The following CDH23 variants were observed in gnomAD, a reference collection of about 807,000 sequenced individuals.
CDH23 encodes the protein cadherin-23.
Under a neutral mutation model 317.1 loss-of-function variants are expected in CDH23, and 189 were observed. The ratio of observed to expected loss-of-function variants is 0.60; its 90% CI spans 0.53 to 0.67. The LOEUF (loss-of-function observed/expected upper bound fraction) is 0.67. CDH23 is among the 30% of genes least tolerant of loss of function. The pLI, the probability that CDH23 is intolerant of heterozygous loss-of-function variation, is 0.00. For synonymous variants in CDH23, 1,839 were observed against 1,876.8 expected (o/e 0.98, Z 0.52); for missense variants, 4,401 against 4,592.4 (o/e 0.96, Z 1.20).
chr10:71,478,597 C>A (rs993164256), intron 3 of CDH23, among the ~76,000 whole-genome samples: 1 of 152,212 alleles, frequency 6.6e-6, no homozygotes, highest in Non-Finnish European at 1.5e-5. Flanking sequence ...TCTCCAGGAT[C>A]TGGTGCTGGT....
In CDH23 at chr10:71,682,466, T is replaced by C; in HGVS notation, c.1880T>C (p.Leu627Pro). The part of the protein sequence containing the change: ...GYGVISVSRP[L>P]DYEQISNGLI... Reference sequence around the variant, plus strand: ...GCAGTGATCAGCGTCAGTCGCCCCCTGGATTATGAACAGATATCCAATGGG... The same window carrying C: ...GCAGTGATCAGCGTCAGTCGCCCCCCGGATTATGAACAGATATCCAATGGG... Residue 627 changes from leucine (L) to proline (P), a missense_variant, in exon 18 of 70, where the codon CTG (leucine) becomes CCG (proline). Coordinates refer to ENST00000224721, the MANE Select transcript of CDH23 (RefSeq NM_022124.6). The C allele has an allele frequency of 6.2e-7, 1 of 1,612,408 alleles. No individual in the cohort carries two copies. Among genetic ancestry groups the C allele is most frequent in the South Asian group, 1.1e-5 (1 of 90,528 alleles).
At chr10:71,518,243 C>T (rs531654904) in intron 6 of CDH23, among the ~76,000 whole-genome samples, 1 of 152,284 alleles carries the variant, frequency 6.6e-6, no homozygotes, top group East Asian at 1.9e-4. Context: ...CTCCAAGTTC[C>T]CCAGAGTCAG....
At chr10:71,596,273 C>T (rs1368677193) in intron 9 of CDH23, among the ~76,000 whole-genome samples, 1 of 152,144 alleles carries the variant, frequency 6.6e-6, no homozygotes, top group Non-Finnish European at 1.5e-5. Flanking sequence ...TTACAACAAG[C>T]ACTATCAATA....
chr10:71,759,931 A>G (rs1222079960), intron 38 of CDH23, among the ~76,000 whole-genome samples: 55 of 69,724 alleles, frequency 7.9e-4, no homozygotes, highest in Non-Finnish European at 8.9e-4. Context: ...ACACACACAC[A>G]TATATACACA....
intron 22 of CDH23, among the ~76,000 whole-genome samples, chr10:71,698,966 A>G (rs1015116205): frequency 6.6e-6 from 1 of 152,196 alleles, no homozygotes; most frequent in Admixed American, 6.5e-5. Context: ...CATCTAAAAA[A>G]TAGGGCTAGT....
At chr10:71,591,604 A>T (rs886443911) in intron 9 of CDH23, among the ~76,000 whole-genome samples, 1 of 152,172 alleles carries the variant, frequency 6.6e-6, no homozygotes, top group Non-Finnish European at 1.5e-5. Flanking sequence ...GATGATGTTT[A>T]AAAAAATTAA....
rs374092835 is a variant in CDH23, at chr10:71,530,018, C to T, written c.429+18806C>T. On this transcript the variant is annotated intron_variant, in intron 6 of 69. Coordinates refer to ENST00000224721, the MANE Select transcript of CDH23 (RefSeq NM_022124.6). The stretch of plus-strand genomic sequence containing the variant: ...CTGGATGGAGACTCAGGCATTTGCA[C>T]ACATACACACATACAGACACACACA... Among the ~76,000 whole-genome samples the T allele has an allele frequency of 1.5e-3, 205 of 138,226 alleles. 6 individuals are homozygous for T. In the South Asian group the frequency reaches 0.044, roughly 29 times the overall value. 90.7% of individuals were successfully genotyped at this position (138,226 alleles called of 152,430 possible). A position where few individuals can be genotyped will look rare whatever the true frequency, so the allele number is the denominator to read the frequency against.
intron 42 of CDH23, 29 bp from the exon 43 acceptor site, chr10:71,784,862 C>T (rs771644826): frequency 6.3e-7 from 1 of 1,591,102 alleles, no homozygotes; most frequent in Non-Finnish European, 8.6e-7. Context: ...CTCTTCCTCC[C>T]CTCCCTCCTC....
At chr10:71,511,022 T>C (rs758060696) in intron 5 of CDH23, 21 bp downstream of exon 5, 9 of 1,613,192 alleles carry the variant, frequency 5.6e-6, no homozygotes, top group Non-Finnish European at 8.5e-7. Context: ...CCTGGGGCCC[T>C]GGAGGCATGT....
In CDH23 at chr10:71,759,914, C is replaced by CATATACACACACACAT. The variant is rs1564779319; in HGVS notation, c.4846-17761_4846-17760insCACACACACATATATA. ...ACACACACACATATATACACACACA[C>CATATACACACACACAT]ATATATACACACACACATATATACA... is the stretch of plus-strand genomic sequence containing the variant. On this transcript the variant is annotated intron_variant, in intron 38 of 69. Coordinates refer to ENST00000224721, the MANE Select transcript of CDH23 (RefSeq NM_022124.6). Among the ~76,000 whole-genome samples the CATATACACACACACAT allele has an allele frequency of 4.9e-3, 278 of 56,830 alleles. 26 individuals are homozygous for CATATACACACACACAT. The highest frequency in any genetic ancestry group is 7.4e-3 in the Non-Finnish European group (164 of 22,030). 37.3% of individuals were successfully genotyped at this position (56,830 alleles called of 152,430 possible). A position where few individuals can be genotyped will look rare whatever the true frequency, so the allele number is the denominator to read the frequency against.
intron 65 of CDH23, 85 bp downstream of exon 65, chr10:71,811,838 C>T: frequency 1.3e-6 from 2 of 1,578,306 alleles, no homozygotes; most frequent in Non-Finnish European, 1.7e-6. Context: ...AAGCCTGGCT[C>T]AGGCCCTTCA....
At chr10:71,603,780 T>C (rs1448676474) in intron 9 of CDH23, among the ~76,000 whole-genome samples, 3 of 152,382 alleles carry the variant, frequency 2.0e-5, no homozygotes, top group Non-Finnish European at 1.5e-5. Context: ...AATCCCAGCA[T>C]GGTCACTTAG....
intron 28 of CDH23, among the ~76,000 whole-genome samples, chr10:71,721,912 ACT>A (rs1204703228): frequency 6.6e-6 from 1 of 152,122 alleles, no homozygotes; most frequent in Admixed American, 6.5e-5. Flanking sequence ...TTCAGCTAAC[ACT>A]GTTTCCCAGC....
At chr10:71,535,497 A>G (rs1294060141) in intron 6 of CDH23, among the ~76,000 whole-genome samples, 1 of 152,168 alleles carries the variant, frequency 6.6e-6, no homozygotes, top group Non-Finnish European at 1.5e-5. Flanking sequence ...ATCCTGGAAA[A>G]CGCCAAGGAA....
At chr10:71,563,772 G>A (rs1320705005) in intron 6 of CDH23, among the ~76,000 whole-genome samples, 7 of 142,172 alleles carry the variant, frequency 4.9e-5, no homozygotes, top group African/African-American at 1.3e-4. Context: ...TTTTTGAGAC[G>A]GAGTCTTGCT....
Position 71,577,991 on chromosome 10 carries a change from A to G in CDH23, c.831A>G (p.Ser277=), listed in dbSNP as rs777419729. 6.3e-7 allele frequency: 1 copy of G among 1,595,188 alleles called. No homozygotes were observed. Among genetic ancestry groups the G allele is most frequent in the Non-Finnish European group, 8.5e-7 (1 of 1,171,048 alleles). ...RPRGIGYTIV[S]GNTNSIFALD... is the part of the protein sequence containing the mutation. ...GGGGCATTGGCTACACCATCGTTTC[A>G]GGTAAGACAGAAGGCTGCCCCTCTC... The change falls in exon 9 of 70, where the codon TCA becomes TCG. Residue 277 remains serine, a splice_region_variant and synonymous_variant. Transcript: ENST00000224721.
intron 6 of CDH23, among the ~76,000 whole-genome samples, chr10:71,564,830 T>G (rs1285579172): frequency 2.0e-5 from 3 of 152,220 alleles, no homozygotes; most frequent in African/African-American, 7.2e-5. Context: ...GTGCTTTTCT[T>G]TGTTGGAAGA....
At chr10:71,675,029 G>A (rs182632598) in intron 14 of CDH23, 83 bp from the exon 15 acceptor site, 74 of 1,262,722 alleles carry the variant, frequency 5.9e-5, no homozygotes, top group East Asian at 1.9e-4. Flanking sequence ...CAAAGGAGAC[G>A]TGCGAGAGGA....
At chr10:71,813,130 CCTAGGA>C in intron 68 of CDH23, 108 bp from the exon 69 acceptor site, 1 of 1,170,322 alleles carries the variant, frequency 8.5e-7, no homozygotes, top group Admixed American at 2.0e-5. Flanking sequence ...GATCCTCTGC[CCTAGGA>C]TCACCAGGAT....
Sources: allele counts gnomAD v4.1 joint callset (sites outside exome capture counted in the v4.1 genomes callset), GRCh38; gene constraint gnomAD v4.1.1; transcripts MANE v1.5; gene names NCBI Gene and HGNC (gene_info 2026-07-23, HGNC 2026-07-21).